The following RMI1 variants were observed in gnomAD, a reference collection of about 807,000 sequenced individuals.
RMI1 encodes recQ-mediated genome instability protein 1.
In RMI1, 36 loss-of-function variants were observed where a neutral mutation model predicts 46.7. That is an observed-to-expected ratio of 0.77 (90% CI 0.59 to 1.02). RMI1 has a LOEUF of 1.02. Among genes scored for constraint, RMI1 ranks in the 50% least tolerant of loss-of-function variants. RMI1 has a pLI of 0.00. For synonymous variants in RMI1, 250 were observed against 252.9 expected, an observed-to-expected ratio of 0.99 and a Z score of 0.11; for missense variants, 676 against 713.7, an observed-to-expected ratio of 0.95 and a Z score of 0.60.
intron 1 of RMI1, among the ~76,000 whole-genome samples, chr9:83,985,972 G>T (rs62565782): frequency 1.3e-5 from 2 of 151,840 alleles, no homozygotes; most frequent in African/African-American, 2.4e-5. Context: ...TTGCACCACC[G>T]CACTCCAGCC....
In RMI1 at chr9:84,001,837, G is replaced by C. The variant is rs769210260; in HGVS notation, c.851G>C (p.Ser284Thr). The change falls in exon 3 of 3, where the codon AGT (serine) becomes ACT (threonine). Residue 284 changes from serine (S) to threonine (T), a missense_variant. By Grantham distance (58) the Ser-to-Thr change is moderately conservative (BLOSUM62 1). Coordinates refer to ENST00000445877, the MANE Select transcript of RMI1 (RefSeq NM_001358291.2). ...AATACCATTCCCACAAGACAGTCAA[G>C]TTTTGAGCCAGAATTTGTTATTTCT... ...SSNTIPTRQS[S>T]FEPEFVISPR... 6 of 1,613,954 alleles carry C rather than the reference G, an allele frequency of 3.7e-6. No homozygotes were observed. The highest frequency in any genetic ancestry group is 5.1e-6 in the Non-Finnish European group (6 of 1,179,968).
At chr9:83,990,312 G>A (rs1398474860) in intron 1 of RMI1, among the ~76,000 whole-genome samples, 1 of 152,266 alleles carries the variant, frequency 6.6e-6, no homozygotes. Flanking sequence ...AGGAGTTCGA[G>A]ACCAGCCTGG....
At chr9:83,992,227 T>A (rs757789570) in intron 1 of RMI1, among the ~76,000 whole-genome samples, 15 of 152,338 alleles carry the variant, frequency 9.8e-5, no homozygotes, top group Admixed American at 3.3e-4. Flanking sequence ...CACTGTTTTG[T>A]CCGTTGCTTG....
At chr9:83,994,173 G>A (rs1957616462) in intron 1 of RMI1, among the ~76,000 whole-genome samples, 1 of 152,130 alleles carries the variant, frequency 6.6e-6, no homozygotes, top group Non-Finnish European at 1.5e-5. Flanking sequence ...AAGTTGAGAA[G>A]TTCTTTACAT....
chr9:83,985,145 A>C (rs2133101289), intron 1 of RMI1, among the ~76,000 whole-genome samples: 1 of 152,356 alleles, frequency 6.6e-6, no homozygotes, highest in African/African-American at 2.4e-5. Context: ...TATCCAGTCT[A>C]AACTTTATAA....
intron 1 of RMI1, among the ~76,000 whole-genome samples, chr9:83,988,247 A>G (rs1472263958): frequency 6.6e-6 from 1 of 152,136 alleles, no homozygotes; most frequent in Non-Finnish European, 1.5e-5. Context: ...TTGCAGTTGC[A>G]TTGCTGGGTT....
At chr9:83,983,815 C>T (rs1056484393) in intron 1 of RMI1, among the ~76,000 whole-genome samples, 1 of 151,854 alleles carries the variant, frequency 6.6e-6, no homozygotes, top group Non-Finnish European at 1.5e-5. Context: ...AATGTTTTTT[C>T]CTGATTATAA....
In RMI1 at chr9:84,001,920, G is replaced by C; in HGVS notation, c.934G>C (p.Asp312His). 6.2e-7 allele frequency: 1 copy of C among 1,614,050 alleles called. No individual in the cohort carries two copies. The highest frequency in any genetic ancestry group is 8.5e-7 in the Non-Finnish European group (1 of 1,179,964). The change falls in exon 3 of 3, where the codon GAT becomes CAT. Residue 312 changes from aspartate to histidine, a missense_variant. By Grantham distance (81) the Asp-to-His change is moderately conservative. Transcript: ENST00000445877. ...LSIHVMDGEL[D>H]DFSLEEALLL... ...TATACATGTAATGGATGGAGAATTA[G>C]ATGACTTTTCACTGGAGGAGGCCTT...
intron 1 of RMI1, 163 bp downstream of exon 1, chr9:83,981,054 C>G (rs931215641): frequency 2.6e-5 from 4 of 152,320 alleles, no homozygotes; most frequent in African/African-American, 9.7e-5. Flanking sequence ...GCTTCGGAAA[C>G]CCGTTGTTTG....
At position 84,001,721 on chromosome 9, in the gene RMI1, A is replaced by G; in HGVS notation, c.735A>G (p.Glu245=). 6.2e-7 allele frequency: 1 copy of G among 1,614,004 alleles called. No individual in the cohort carries two copies. Among genetic ancestry groups the G allele is most frequent in the African/African-American group, 1.3e-5 (1 of 75,062 alleles). The change falls in exon 3 of 3, where the codon GAA becomes GAG. Residue 245 remains glutamate, a synonymous_variant. Transcript: ENST00000445877. ...VLDPALGPSD[E]ELLASLDEND... is the part of the protein sequence containing the mutation. Reference sequence around the variant, plus strand: ...ATCCTGCATTAGGTCCTTCTGATGAAGAACTCTTGGCAAGTCTTGATGAAA... The same window carrying G: ...ATCCTGCATTAGGTCCTTCTGATGAGGAACTCTTGGCAAGTCTTGATGAAA...
In RMI1 at chr9:84,001,786, G is replaced by T; in HGVS notation, c.800G>T (p.Arg267Leu). 6.2e-7 allele frequency: 1 copy of T among 1,613,998 alleles called. No homozygotes were observed. The highest frequency in any genetic ancestry group is 8.5e-7 in the Non-Finnish European group (1 of 1,179,954). ...GCAAATAATGACACTTCCTCAGAAC[G>T]ATGTTTCACCACAGGTAGTTCCTCA... ...LTANNDTSSERCFTTGSSSNT... is the reference protein window; with the variant it reads ...LTANNDTSSELCFTTGSSSNT... The change falls in exon 3 of 3, where the codon CGA (arginine) becomes CTA (leucine). Residue 267 changes from arginine (R) to leucine (L), a missense_variant. By Grantham distance (102) the Arg-to-Leu change is moderately radical (BLOSUM62 -2). Coordinates refer to ENST00000445877, the MANE Select transcript of RMI1 (RefSeq NM_001358291.2).
chr9:84,003,930 AAAAG>A lies in RMI1; in HGVS notation c.*1068_*1071del, dbSNP rs1324722672. 6.0e-6 allele frequency: 1 copy of A among 166,382 alleles called. No individual in the cohort carries two copies. The highest frequency in any genetic ancestry group is 2.4e-5 in the African/African-American group (1 of 41,440). The allele number at this position is 166,382 out of a possible 1,614,324, so 10.3% of individuals were successfully genotyped here. A position where few individuals can be genotyped will look rare whatever the true frequency, so the allele number is the denominator to read the frequency against. On this transcript the variant is annotated 3_prime_UTR_variant, in exon 3 of 3. Transcript: ENST00000445877. ...TTTAAGTACTGATTTTTTTTTAAAA[AAAAG>A]AGGGACTGTTTACCATTCTTCCACT...
At chr9:83,981,543 G>A (rs1957395856) in intron 1 of RMI1, among the ~76,000 whole-genome samples, 1 of 152,070 alleles carries the variant, frequency 6.6e-6, no homozygotes, top group African/African-American at 2.4e-5. Flanking sequence ...CCTTTGTTAA[G>A]GCACATAAGG....
At chr9:83,996,809 A>G (rs1324163843) in intron 1 of RMI1, among the ~76,000 whole-genome samples, 1 of 152,034 alleles carries the variant, frequency 6.6e-6, no homozygotes, top group Admixed American at 6.5e-5. Flanking sequence ...TCATGGTGAA[A>G]GTGAAGGCAA....
intron 1 of RMI1, among the ~76,000 whole-genome samples, chr9:83,992,741 C>A (rs764260400): frequency 6.6e-6 from 1 of 152,070 alleles, no homozygotes; most frequent in Non-Finnish European, 1.5e-5. Flanking sequence ...GTAAAATTGA[C>A]TTTTGTGCTA....
chr9:83,989,593 G>T (rs564097775), intron 1 of RMI1, among the ~76,000 whole-genome samples: 4 of 150,982 alleles, frequency 2.6e-5, no homozygotes, highest in African/African-American at 9.7e-5. Flanking sequence ...ATTCGACATC[G>T]TGAATCAGGG....
chr9:83,985,627 C>G (rs1474729373), intron 1 of RMI1, among the ~76,000 whole-genome samples: 1 of 152,188 alleles, frequency 6.6e-6, no homozygotes, highest in African/African-American at 2.4e-5. Context: ...TTTAATGGAA[C>G]AGTTTAGTTG....
At chr9:83,990,241 G>A (rs983668150) in intron 1 of RMI1, among the ~76,000 whole-genome samples, 4 of 152,230 alleles carry the variant, frequency 2.6e-5, no homozygotes, top group South Asian at 4.1e-4. Flanking sequence ...TAGAGGCCGG[G>A]CGCAGTGGCT....
intron 1 of RMI1, among the ~76,000 whole-genome samples, chr9:83,991,242 TAGAAC>T (rs1286449920): frequency 1.3e-5 from 2 of 152,200 alleles, no homozygotes; most frequent in Admixed American, 1.3e-4. Context: ...GTGTCTTTCA[TAGAAC>T]AGACGTTTTA....
Sources: allele counts gnomAD v4.1 joint callset (sites outside exome capture counted in the v4.1 genomes callset), GRCh38; gene constraint gnomAD v4.1.1; transcripts MANE v1.5; gene names NCBI Gene and HGNC (gene_info 2026-07-23, HGNC 2026-07-21).